Variants in TCF7L1 observed in about 807,000 individuals in gnomAD.
The protein encoded by TCF7L1 is transcription factor 7 like 1.
TCF7L1 carries 18 observed loss-of-function variants against 63.7 expected under a neutral mutation model. The observed-to-expected ratio is 0.28, with a 90% CI of 0.20 to 0.42. The LOEUF (loss-of-function observed/expected upper bound fraction) is 0.42. Among genes scored for constraint, TCF7L1 ranks in the 10% least tolerant of loss-of-function variants. The pLI is 1.00. For synonymous variants in TCF7L1, 355 were observed against 340.9 expected (o/e 1.04, Z -0.46); for missense variants, 654 against 779.3 (o/e 0.84, Z 1.91).
chr2:85,259,265 G>A (rs897621629), intron 3 of TCF7L1, among the ~76,000 whole-genome samples: 4 of 152,196 alleles, frequency 2.6e-5, no homozygotes, highest in Non-Finnish European at 4.4e-5. Flanking sequence ...TAAGCGCCCC[G>A]CCAATCCCCG....
Position 85,170,979 on chromosome 2 carries a change from G to A in TCF7L1, c.441+36529G>A, listed in dbSNP as rs1163143315. On this transcript the variant is annotated intron_variant, in intron 3 of 11. Transcript: ENST00000282111. ...AGGCTGTTGGTTTTTTAGACTTTGGGAAGGTGCCTGTTCTCATGCTGCTAA... is the reference window on the plus strand; with the variant it reads ...AGGCTGTTGGTTTTTTAGACTTTGGAAAGGTGCCTGTTCTCATGCTGCTAA... Among the ~76,000 whole-genome samples the A allele has an allele frequency of 2.0e-5, 3 of 152,182 alleles. No homozygotes were observed. In the East Asian group the frequency reaches 5.8e-4, roughly 29 times the overall value.
At chr2:85,162,080 A>C (rs946690223) in intron 3 of TCF7L1, among the ~76,000 whole-genome samples, 1 of 151,716 alleles carries the variant, frequency 6.6e-6, no homozygotes, top group African/African-American at 2.4e-5. Flanking sequence ...ATCAGAATAC[A>C]CATGCCTGGC....
At chr2:85,239,256 A>G (rs760533035) in intron 3 of TCF7L1, among the ~76,000 whole-genome samples, 4 of 151,934 alleles carry the variant, frequency 2.6e-5, no homozygotes, top group Non-Finnish European at 2.9e-5. Flanking sequence ...GCTCCTTCCT[A>G]TGCAGTCGGA....
intron 3 of TCF7L1, among the ~76,000 whole-genome samples, chr2:85,162,990 G>A (rs1183352349): frequency 6.6e-6 from 1 of 152,118 alleles, no homozygotes; most frequent in African/African-American, 2.4e-5. Flanking sequence ...ACTCCAGGCA[G>A]CCCCAGAGCA....
chr2:85,145,051 C>T (rs975838371), intron 3 of TCF7L1, among the ~76,000 whole-genome samples: 5 of 146,454 alleles, frequency 3.4e-5, no homozygotes, highest in Admixed American at 6.9e-5. Context: ...GGCAAAAAAG[C>T]GAGACTTTGT....
In TCF7L1 at chr2:85,133,741, C is replaced by T; in HGVS notation, c.57C>T (p.Gly19=). The change falls in exon 1 of 12, where the codon GGC becomes GGT. Residue 19 remains glycine (G), a synonymous_variant. Transcript: ENST00000282111. This position sits in a 1 kb window ranked among gnomAD's most constrained non-coding sequence, Gnocchi z 4.4. ...GCGGCGGCGGCAGCGGGGGAGGCGG[C>T]GGCTCCAGCGCCGGGGCGGCCGGCG... ...GGGGGGSGGG[G]GSSAGAAGGG... is the part of the protein sequence containing the mutation. 2.5e-6 allele frequency: 3 copies of T among 1,223,568 alleles called. No homozygotes were observed. Among genetic ancestry groups the T allele is most frequent in the Non-Finnish European group, 1.0e-6 (1 of 983,018 alleles). The allele number at this position is 1,223,568 out of a possible 1,614,324, so 75.8% of individuals were successfully genotyped here. A position where few individuals can be genotyped will look rare whatever the true frequency, so the allele number is the denominator to read the frequency against.
intron 3 of TCF7L1, among the ~76,000 whole-genome samples, chr2:85,203,807 A>G (rs1365579869): frequency 2.6e-5 from 4 of 152,190 alleles, no homozygotes; most frequent in Non-Finnish European, 4.4e-5. Flanking sequence ...TAAATTCTAA[A>G]TAGATTAAAA....
intron 3 of TCF7L1, among the ~76,000 whole-genome samples, chr2:85,213,213 A>G (rs1227474203): frequency 2.0e-5 from 3 of 152,196 alleles, no homozygotes; most frequent in South Asian, 2.1e-4. Context: ...GGGTGGGAGC[A>G]GCCATGACAA....
At chr2:85,191,718 G>A (rs113505112) in intron 3 of TCF7L1, among the ~76,000 whole-genome samples, 5 of 151,836 alleles carry the variant, frequency 3.3e-5, no homozygotes, top group Admixed American at 6.6e-5. Context: ...CCAGCTACTC[G>A]GAAGGCTGAG....
intron 3 of TCF7L1, among the ~76,000 whole-genome samples, chr2:85,188,822 A>G (rs1678986223): frequency 6.6e-6 from 1 of 152,204 alleles, no homozygotes; most frequent in Non-Finnish European, 1.5e-5. Flanking sequence ...TTCCTTAGTA[A>G]AACTGCTACT....
intron 3 of TCF7L1, among the ~76,000 whole-genome samples, chr2:85,183,216 A>G (rs770234069): frequency 6.6e-6 from 1 of 152,182 alleles, no homozygotes; most frequent in Non-Finnish European, 1.5e-5. Context: ...TTTCAAATGG[A>G]TGGGCAAGTC....
At chr2:85,290,263 G>A (rs56278313) in intron 4 of TCF7L1, among the ~76,000 whole-genome samples, 21,760 of 152,182 alleles carry the variant, frequency 0.14, 2,069 homozygotes, top group Non-Finnish European at 0.2. Flanking sequence ...TTACAGGCGT[G>A]AGCCACCTCA....
At chr2:85,166,139 C>T (rs1022374858) in intron 3 of TCF7L1, among the ~76,000 whole-genome samples, 9 of 152,224 alleles carry the variant, frequency 5.9e-5, no homozygotes, top group African/African-American at 2.2e-4. Flanking sequence ...ACATCTGCCT[C>T]CTGAGTCACC....
intron 3 of TCF7L1, among the ~76,000 whole-genome samples, chr2:85,209,534 G>A (rs1250301651): frequency 6.6e-6 from 1 of 152,228 alleles, no homozygotes; most frequent in Non-Finnish European, 1.5e-5. Context: ...TGAGAAGAGA[G>A]ATTGGGAAAC....
At chr2:85,292,379 TG>T (rs1681748050) in intron 4 of TCF7L1, among the ~76,000 whole-genome samples, 1 of 152,006 alleles carries the variant, frequency 6.6e-6, no homozygotes, top group Admixed American at 6.6e-5. Flanking sequence ...CTTTGGGAAG[TG>T]GGGAGGAGCA....
At chr2:85,226,978 C>T (rs1001305479) in intron 3 of TCF7L1, among the ~76,000 whole-genome samples, 1 of 152,068 alleles carries the variant, frequency 6.6e-6, no homozygotes, top group Non-Finnish European at 1.5e-5. Flanking sequence ...GCACCGCTGC[C>T]GCCGTTTTAC....
intron 3 of TCF7L1, among the ~76,000 whole-genome samples, chr2:85,229,016 G>T: frequency 9.5e-6 from 1 of 104,998 alleles, no homozygotes; most frequent in Admixed American, 1.0e-4. Flanking sequence ...GAGAGACTCT[G>T]TCTCAAAAAA....
At chr2:85,182,268 C>T (rs942445562) in intron 3 of TCF7L1, among the ~76,000 whole-genome samples, 2 of 152,130 alleles carry the variant, frequency 1.3e-5, no homozygotes, top group Non-Finnish European at 2.9e-5. Flanking sequence ...TGCTGGCCTG[C>T]GGGACCTGCA....
At chr2:85,289,331 G>A (rs1681632025) in intron 4 of TCF7L1, among the ~76,000 whole-genome samples, 1 of 151,844 alleles carries the variant, frequency 6.6e-6, no homozygotes, top group Admixed American at 6.6e-5. Context: ...TGAGTTACAG[G>A]CAAATGGGGC....
Sources: gnomAD v4.1 joint callset for allele counts (sites outside exome capture counted in the v4.1 genomes callset) on GRCh38, gnomAD v4.1.1 for gene constraint, Gnocchi (gnomAD v3.1) non-coding constraint, MANE v1.5 for transcripts, NCBI Gene and HGNC (gene_info 2026-07-23, HGNC 2026-07-21) for gene names.